FHIT: variants seen among roughly 807,000 people sequenced by gnomAD.
FHIT encodes fragile histidine triad diadenosine triphosphatase, also known as bis(5'-adenosyl)-triphosphatase.
A neutral mutation model predicts 17.9 loss-of-function variants in FHIT; 19 were observed. That is an observed-to-expected ratio of 1.06 (90% CI 0.74 to 1.56). FHIT has a LOEUF of 1.56. Among genes scored for constraint, FHIT ranks in the 40% most tolerant of loss-of-function variants. The pLI is 0.00. For missense variants in FHIT, 248 were observed against 189.2 expected, an observed-to-expected ratio of 1.31 and a Z score of -1.82; for synonymous variants, 81 against 69.7, an observed-to-expected ratio of 1.16 and a Z score of -0.81.
chr3:61,113,260 T>TG (rs2036212036), intron 2 of FHIT, among the ~76,000 whole-genome samples: 1 of 152,144 alleles, frequency 6.6e-6, no homozygotes, highest in Admixed American at 6.6e-5. Context: ...TCTTGCCACC[T>TG]GGGCATCCCA....
intron 5 of FHIT, among the ~76,000 whole-genome samples, chr3:60,022,234 A>G (rs2106738888): frequency 6.6e-6 from 1 of 152,322 alleles, no homozygotes; most frequent in South Asian, 2.1e-4. Context: ...TCACATGGGC[A>G]AAGAAAGAGA....
rs571101060 is a variant in FHIT, at chr3:59,878,635, A to G, written c.348+43711T>C. Among the ~76,000 whole-genome samples the G allele has an allele frequency of 1.4e-3, 208 of 152,336 alleles. 1 individual carries two copies. Among genetic ancestry groups the G allele is most frequent in the Admixed American group, 3.3e-3 (50 of 15,298 alleles). Reference sequence around the variant, plus strand: ...GCTCTGAGTTTAAACATTTCACAGCATGAGGAACACAGCCGAAGAGAAAGT... The same window carrying G: ...GCTCTGAGTTTAAACATTTCACAGCGTGAGGAACACAGCCGAAGAGAAAGT... On this transcript the variant is annotated intron_variant, in intron 8 of 9. Coordinates refer to ENST00000492590, the MANE Select transcript of FHIT (RefSeq NM_002012.4).
chr3:60,861,440 T>C (rs1044862490), intron 3 of FHIT, among the ~76,000 whole-genome samples: 16 of 151,346 alleles, frequency 1.1e-4, no homozygotes, highest in African/African-American at 3.9e-4. Flanking sequence ...GCAGCATCCC[T>C]GGCCTCTATC....
At chr3:61,184,898 G>C (rs2038458038) in intron 2 of FHIT, among the ~76,000 whole-genome samples, 1 of 152,176 alleles carries the variant, frequency 6.6e-6, no homozygotes. Context: ...ATACTTAGGA[G>C]TGAATCTAAG....
At chr3:61,137,392 G>A (rs1479357314) in intron 2 of FHIT, among the ~76,000 whole-genome samples, 1 of 150,010 alleles carries the variant, frequency 6.7e-6, no homozygotes, top group Admixed American at 6.7e-5. Context: ...TCCCCTCTGA[G>A]AAGCTGACCT....
chr3:60,324,573 G>GGA (rs757433390), intron 5 of FHIT, among the ~76,000 whole-genome samples: 35 of 128,860 alleles, frequency 2.7e-4, no homozygotes, highest in South Asian at 5.2e-4. Context: ...GACTCCATCA[G>GGA]AAAAAAAAAA....
chr3:60,418,147 A>G (rs1702318873), intron 5 of FHIT, among the ~76,000 whole-genome samples: 1 of 151,954 alleles, frequency 6.6e-6, no homozygotes, highest in South Asian at 2.1e-4. Flanking sequence ...GATCTCGGCT[A>G]AAAGACTAAA....
At chr3:60,571,076 C>A (rs1576901573) in intron 4 of FHIT, among the ~76,000 whole-genome samples, 1 of 152,026 alleles carries the variant, frequency 6.6e-6, no homozygotes, top group Non-Finnish European at 1.5e-5. Context: ...ACCTGTAATC[C>A]CAGCACTTTG....
Position 59,892,775 on chromosome 3 carries a change from A to G in FHIT, c.348+29571T>C, listed in dbSNP as rs372301511. Among the ~76,000 whole-genome samples, 27 of 152,208 alleles carry G rather than the reference A, an allele frequency of 1.8e-4. 1 individual carries two copies. The highest frequency in any genetic ancestry group is 1.2e-3 in the East Asian group (6 of 5,200). ...GGAAATTGCTAAAGACGAAACCCAG[A>G]GCAAAGTGAAGACTTGGTTCAAAAT... is the stretch of plus-strand genomic sequence containing the variant. On this transcript the variant is annotated intron_variant, in intron 8 of 9. Coordinates refer to ENST00000492590, the MANE Select transcript of FHIT (RefSeq NM_002012.4).
intron 5 of FHIT, among the ~76,000 whole-genome samples, chr3:60,401,149 G>C (rs1009518674): frequency 6.6e-6 from 1 of 152,102 alleles, no homozygotes; most frequent in African/African-American, 2.4e-5. Context: ...CATTTGTAAA[G>C]GTTATTTTTG....
intron 3 of FHIT, among the ~76,000 whole-genome samples, chr3:60,915,671 G>C (rs1467258151): frequency 7.2e-5 from 11 of 152,084 alleles, no homozygotes; most frequent in Admixed American, 7.2e-4. Flanking sequence ...TCAGCACAAT[G>C]ATATCCTCAT....
chr3:60,999,829 T>G (rs1212836829), intron 3 of FHIT, among the ~76,000 whole-genome samples: 1 of 152,154 alleles, frequency 6.6e-6, no homozygotes, highest in East Asian at 1.9e-4. Context: ...GAAATTTATT[T>G]ATGATAGTTC....
intron 3 of FHIT, among the ~76,000 whole-genome samples, chr3:60,921,954 G>A (rs904411355): frequency 6.6e-6 from 1 of 152,168 alleles, no homozygotes; most frequent in Non-Finnish European, 1.5e-5. Flanking sequence ...GAAAGCATGA[G>A]AAAATAAATG....
chr3:60,421,017 A>T (rs1014485137), intron 5 of FHIT, among the ~76,000 whole-genome samples: 2 of 142,622 alleles, frequency 1.4e-5, no homozygotes, highest in Non-Finnish European at 3.0e-5. Context: ...AAGAACTAAG[A>T]TTTCTCCCAC....
intron 4 of FHIT, among the ~76,000 whole-genome samples, chr3:60,744,257 AC>A (rs1177998147): frequency 0.14 from 10,204 of 72,480 alleles, 762 homozygotes; most frequent in African/African-American, 0.24. Flanking sequence ...AAAAAAAAAA[AC>A]AAAACAAAAC....
chr3:60,168,367 T>C (rs930486547), intron 5 of FHIT, among the ~76,000 whole-genome samples: 1 of 152,208 alleles, frequency 6.6e-6, no homozygotes, highest in African/African-American at 2.4e-5. Flanking sequence ...ATGAGCCCTC[T>C]GATTATGCAA....
chr3:61,137,939 T>C (rs1267480169), intron 2 of FHIT, among the ~76,000 whole-genome samples: 1 of 152,194 alleles, frequency 6.6e-6, no homozygotes, highest in African/African-American at 2.4e-5. Flanking sequence ...TCCCTCTCTC[T>C]TGCTCCGAAA....
intron 5 of FHIT, among the ~76,000 whole-genome samples, chr3:60,502,001 A>C (rs1315724290): frequency 6.6e-6 from 1 of 152,194 alleles, no homozygotes; most frequent in Non-Finnish European, 1.5e-5. Flanking sequence ...TGACTGAGAG[A>C]CCGACGAGTA....
At chr3:60,382,446 G>A (rs955964538) in intron 5 of FHIT, among the ~76,000 whole-genome samples, 4 of 152,164 alleles carry the variant, frequency 2.6e-5, no homozygotes, top group African/African-American at 4.8e-5. Flanking sequence ...AATACGATCC[G>A]TAATCACAAT....
Sources: gnomAD v4.1 joint callset for allele counts (sites outside exome capture counted in the v4.1 genomes callset) on GRCh38, gnomAD v4.1.1 for gene constraint, MANE v1.5 for transcripts, NCBI Gene and HGNC (gene_info 2026-07-23, HGNC 2026-07-21) for gene names.